Variants in IL1RAPL2 observed in about 807,000 individuals in gnomAD.
IL1RAPL2 encodes interleukin 1 receptor accessory protein like 2, also known as X-linked interleukin-1 receptor accessory protein-like 2.
IL1RAPL2 carries 3 observed loss-of-function variants against 44.1 expected under a neutral mutation model. The observed-to-expected ratio is 0.07, with a 90% CI of 0.03 to 0.18. The LOEUF (loss-of-function observed/expected upper bound fraction) is 0.18, where lower values mean the gene tolerates loss of function less well. Among genes scored for constraint, IL1RAPL2 ranks in the 10% least tolerant of loss-of-function variants. IL1RAPL2 has a pLI of 1.00. For synonymous variants in IL1RAPL2, 181 were observed against 178.8 expected (o/e 1.01, Z -0.10); for missense variants, 391 against 496.4 (o/e 0.79, Z 2.02).
intron 2 of IL1RAPL2, among the ~76,000 whole-genome samples, chrX:105,041,821 A>G (rs1425090291): frequency 2.7e-5 from 3 of 110,601 alleles, no homozygotes; most frequent in African/African-American, 9.9e-5. Context: ...ACCTGACTTC[A>G]AACTATACTA....
intron 1 of IL1RAPL2, among the ~76,000 whole-genome samples, chrX:104,578,266 C>T (rs1404673672): frequency 8.9e-6 from 1 of 111,924 alleles, no homozygotes; most frequent in African/African-American, 3.2e-5. Context: ...GTAAGAAGTG[C>T]TCAAACAATG....
intron 6 of IL1RAPL2, among the ~76,000 whole-genome samples, chrX:105,590,857 G>T (rs866149214): frequency 1.0e-5 from 1 of 100,155 alleles, no homozygotes; most frequent in East Asian, 3.1e-4. Flanking sequence ...GTTTGTGTGT[G>T]TTTGTGTGTG....
intron 5 of IL1RAPL2, among the ~76,000 whole-genome samples, chrX:105,305,896 G>A (rs1010014548): frequency 6.3e-5 from 7 of 111,413 alleles, no homozygotes; most frequent in African/African-American, 1.6e-4. Flanking sequence ...TATCAAGAAC[G>A]ATGGGAAAAT....
intron 5 of IL1RAPL2, among the ~76,000 whole-genome samples, chrX:105,420,581 C>A (rs1207040358): frequency 8.9e-6 from 1 of 111,858 alleles, no homozygotes; most frequent in Admixed American, 9.5e-5. Flanking sequence ...TATCAAAAAA[C>A]AAAATTGCAT....
intron 2 of IL1RAPL2, among the ~76,000 whole-genome samples, chrX:104,698,068 G>A (rs1208025431): frequency 1.8e-5 from 2 of 112,246 alleles, no homozygotes; most frequent in African/African-American, 6.5e-5. Flanking sequence ...TTGGACTGTG[G>A]GCACCAGTTC....
chrX:104,720,716 T>C (rs1013075578), intron 2 of IL1RAPL2, among the ~76,000 whole-genome samples: 3 of 111,709 alleles, frequency 2.7e-5, no homozygotes, highest in Admixed American at 9.5e-5. Context: ...ACTATACCCC[T>C]TTATGGTTCA....
chrX:105,575,528 A>G (rs1043429525), intron 6 of IL1RAPL2, among the ~76,000 whole-genome samples: 3 of 112,414 alleles, frequency 2.7e-5, no homozygotes, highest in Admixed American at 9.4e-5. Flanking sequence ...GCTGCATAGT[A>G]TTCCATGGTG....
chrX:104,843,010 C>A (rs751629939), intron 2 of IL1RAPL2, among the ~76,000 whole-genome samples: 7 of 112,419 alleles, frequency 6.2e-5, no homozygotes, highest in Non-Finnish European at 1.1e-4. Context: ...CCACAGCAGT[C>A]GGCCTTCCCC....
chrX:105,066,097 T>C (rs2032134441), intron 2 of IL1RAPL2, among the ~76,000 whole-genome samples: 1 of 111,170 alleles, frequency 9.0e-6, no homozygotes, highest in Non-Finnish European at 1.9e-5. Flanking sequence ...AGGCTGAACC[T>C]CATTGGCTCA....
At chrX:105,262,646 A>G (rs766488819) in intron 4 of IL1RAPL2, among the ~76,000 whole-genome samples, 4 of 111,373 alleles carry the variant, frequency 3.6e-5, no homozygotes, top group Admixed American at 9.6e-5. Context: ...ATTCTAATCA[A>G]AGTGTTTAGT....
At chrX:105,607,671 A>C (rs1320393626) in intron 6 of IL1RAPL2, among the ~76,000 whole-genome samples, 1 of 105,923 alleles carries the variant, frequency 9.4e-6, no homozygotes, top group Non-Finnish European at 1.9e-5. Flanking sequence ...AAAGGAAATA[A>C]GGCATTCCAG....
chrX:105,103,115 GTAAA>G (rs1413414939), intron 2 of IL1RAPL2, among the ~76,000 whole-genome samples: 1 of 111,644 alleles, frequency 9.0e-6, no homozygotes, highest in African/African-American at 3.3e-5. Flanking sequence ...CCCGTACTCA[GTAAA>G]TAGTTTTAAC....
intron 2 of IL1RAPL2, among the ~76,000 whole-genome samples, chrX:104,690,444 A>G (rs753876896): frequency 2.7e-5 from 3 of 112,395 alleles, no homozygotes; most frequent in African/African-American, 9.7e-5. Flanking sequence ...AAACAGGACA[A>G]TGCATATGAC....
At chrX:105,332,307 T>C (rs1342059708) in intron 5 of IL1RAPL2, among the ~76,000 whole-genome samples, 2 of 110,231 alleles carry the variant, frequency 1.8e-5, no homozygotes, top group African/African-American at 6.6e-5. Flanking sequence ...ATAATTCATT[T>C]GGATTGCTAT....
intron 6 of IL1RAPL2, among the ~76,000 whole-genome samples, chrX:105,506,273 C>T (rs2036430433): frequency 9.0e-6 from 1 of 111,372 alleles, no homozygotes; most frequent in Admixed American, 9.6e-5. Flanking sequence ...TCTCATGATG[C>T]CATGGGTGTC....
intron 4 of IL1RAPL2, among the ~76,000 whole-genome samples, chrX:105,235,196 C>T (rs1017346707): frequency 3.6e-5 from 4 of 111,818 alleles, no homozygotes; most frequent in African/African-American, 6.5e-5. Flanking sequence ...AGCAGACAAG[C>T]GTGGATAATT....
intron 2 of IL1RAPL2, among the ~76,000 whole-genome samples, chrX:104,776,751 T>C (rs908818427): frequency 8.9e-6 from 1 of 112,197 alleles, no homozygotes; most frequent in Non-Finnish European, 1.9e-5. Flanking sequence ...ATTAAGATAG[T>C]ACAGAGTTCC....
At chrX:104,855,930 A>C (rs1218031188) in intron 2 of IL1RAPL2, among the ~76,000 whole-genome samples, 1 of 109,770 alleles carries the variant, frequency 9.1e-6, no homozygotes, top group Non-Finnish European at 1.9e-5. Context: ...TTGGCCTCCC[A>C]AAGTGCTGGG....
intron 2 of IL1RAPL2, among the ~76,000 whole-genome samples, chrX:104,708,677 C>T (rs1281125038): frequency 1.8e-5 from 2 of 110,877 alleles, no homozygotes; most frequent in Non-Finnish European, 3.8e-5. Flanking sequence ...TGTGGTGTGA[C>T]TGAGAGGTGG....
Sources: allele counts gnomAD v4.1 joint callset (sites outside exome capture counted in the v4.1 genomes callset), GRCh38; gene constraint gnomAD v4.1.1; transcripts MANE v1.5; gene names NCBI Gene and HGNC (gene_info 2026-07-23, HGNC 2026-07-21).